The following POLR3C variants were observed in gnomAD, a reference collection of about 807,000 sequenced individuals.
POLR3C encodes the protein RNA polymerase III subunit C.
A neutral mutation model predicts 65.9 loss-of-function variants in POLR3C; 44 were observed. The observed-to-expected ratio is 0.67, with a 90% CI of 0.52 to 0.86. The LOEUF (loss-of-function observed/expected upper bound fraction) is 0.86, where lower values mean the gene tolerates loss of function less well. Ranked by LOEUF, POLR3C falls within the 40% of genes least tolerant of loss-of-function variation. The pLI, the probability that POLR3C is intolerant of heterozygous loss-of-function variation, is 0.00. For synonymous variants in POLR3C, 263 were observed against 231.6 expected (o/e 1.14, Z -1.23); for missense variants, 576 against 653.2 (o/e 0.88, Z 1.29).
rs1559155607 is a variant in POLR3C, at chr1:145,842,995, TTTA to T, written c.*578_*580del. On this transcript the variant is annotated 3_prime_UTR_variant, in exon 15 of 15. Coordinates refer to ENST00000334163, the MANE Select transcript of POLR3C (RefSeq NM_006468.8). The stretch of plus-strand genomic sequence containing the variant: ...TACCCAGCTATTTTTTATTTATTTA[TTTA>T]TTTTTTTGTAGAGACAGGGCCTCCC... 1.3e-5 allele frequency among the ~76,000 whole-genome samples: 2 copies of T among 151,084 alleles called. No homozygotes were observed. Among genetic ancestry groups the T allele is most frequent in the Non-Finnish European group, 3.0e-5 (2 of 67,524 alleles).
intron 13 of POLR3C, 98 bp downstream of exon 13, chr1:145,840,263 G>A: frequency 1.3e-6 from 1 of 784,744 alleles, no homozygotes; most frequent in Non-Finnish European, 2.2e-6. Flanking sequence ...CGCTGGGCCT[G>A]GCAGGGTGGC....
rs782172375 is a variant in POLR3C at position 145,833,570 on chromosome 1, G to A, written c.864G>A (p.Leu288=). 14 of 1,603,764 alleles carry A rather than the reference G, an allele frequency of 8.7e-6. No individual in the cohort carries two copies. The highest frequency in any genetic ancestry group is 1.1e-5 in the Non-Finnish European group (13 of 1,170,516). ...TSSSAPFTQP[L]SSNEIFRSLP... is the part of the protein sequence containing the mutation. ...CTAGTGCTCCCTTCACCCAGCCATT[G>A]TCTTCCAATGAGGTGAGTTTCATGT... The change falls in exon 7 of 15, where the codon TTG becomes TTA. Residue 288 remains leucine, a synonymous_variant. Transcript: ENST00000334163.
chr1:145,839,132 G>A (rs1052214993), intron 11 of POLR3C, among the ~76,000 whole-genome samples: 6 of 152,054 alleles, frequency 3.9e-5, no homozygotes, highest in Admixed American at 1.3e-4. Context: ...TTAGCTGGGC[G>A]TGGTGCCGTG....
intron 5 of POLR3C, among the ~76,000 whole-genome samples, chr1:145,832,278 T>C (rs1553727379): frequency 1.3e-5 from 2 of 152,138 alleles, no homozygotes; most frequent in African/African-American, 4.8e-5. Context: ...TAGGTAGAGA[T>C]ACAACTGAGA....
intron 14 of POLR3C, among the ~76,000 whole-genome samples, chr1:145,841,434 T>G (rs1004624162): frequency 2.0e-5 from 3 of 152,232 alleles, no homozygotes; most frequent in Admixed American, 2.0e-4. Context: ...TTAATTTTAC[T>G]TGAGTCATGT....
intron 4 of POLR3C, 142 bp downstream of exon 4, chr1:145,827,147 G>GCAGAGACCATGATT: frequency 2.8e-6 from 2 of 712,520 alleles, no homozygotes; most frequent in Non-Finnish European, 4.8e-6. Flanking sequence ...AAAAATCATG[G>GCAGAGACCATGATT]TCTCTGCCAT....
At chr1:145,836,693 C>T in intron 8 of POLR3C, 119 bp downstream of exon 8, 1 of 933,732 alleles carries the variant, frequency 1.1e-6, no homozygotes, top group South Asian at 1.3e-5. Context: ...CCAGCCCAGA[C>T]AATTTCTCCA....
At chr1:145,824,398 C>G in intron 1 of POLR3C, 29 bp downstream of exon 1, 1 of 462,650 alleles carries the variant, frequency 2.2e-6, no homozygotes, top group South Asian at 1.6e-5. Context: ...CTGAACGTGG[C>G]GGCACTGACT....
chr1:145,826,483 A>G lies in POLR3C; in HGVS notation c.177A>G (p.Gln59=), dbSNP rs147122834. ...AGAAAGCCCTGTGTGTCCTCGTCCA[A>G]CATAACCTGGTGAGTTATCAAGTGC... ...QVKKALCVLV[Q]HNLVSYQVHK... The change falls in exon 3 of 15, where the codon CAA becomes CAG. Residue 59 remains glutamine, a synonymous_variant. Transcript: ENST00000334163. 45 of 1,613,592 alleles carry G rather than the reference A, an allele frequency of 2.8e-5. No homozygotes were observed. The highest frequency in any genetic ancestry group is 4.5e-5 in the East Asian group (2 of 44,892).
chr1:145,842,307 A>C lies in POLR3C; in HGVS notation c.1524-32A>C, dbSNP rs587635165. 11 of 1,339,040 alleles carry C rather than the reference A, an allele frequency of 8.2e-6. No homozygotes were observed. In the African/African-American group the frequency reaches 1.6e-4, roughly 19 times the overall value. The allele number at this position is 1,339,040 out of a possible 1,614,324, so 82.9% of individuals were successfully genotyped here. The stretch of plus-strand genomic sequence containing the variant: ...ATCTTAAATATGCTAATGAACATTC[A>C]GTCTAGGCAAATGCCTTTACTTTTC... On this transcript the variant is annotated intron_variant, in intron 14 of 14. Transcript: ENST00000334163.
At chr1:145,824,605 G>T in intron 1 of POLR3C, 1 of 985,234 alleles carries the variant, frequency 1.0e-6, no homozygotes, top group Non-Finnish European at 1.4e-6. Flanking sequence ...GGCTTCTTAG[G>T]AATTGGAAGA....
At position 145,826,591 on chromosome 1, in the gene POLR3C, CA is replaced by C. The variant is rs1265848869; in HGVS notation, c.289del (p.Thr97LeufsTer9). On this transcript the variant is annotated frameshift_variant, in exon 3 of 15. Transcript: ENST00000334163. LOFTEE classifies it high-confidence loss of function. ...GATATCCCCGGTACATCTATACTAC[CA>C]AAACTCTGTACAGTGACACTGGAGA... ...LRYPRYIYTTKTLYSDTGELI... is the reference protein window; with the variant it reads ...LRYPRYIYTTXTLYSDTGELI... 1.2e-6 allele frequency: 2 copies of C among 1,613,994 alleles called. No homozygotes were observed. Among genetic ancestry groups the C allele is most frequent in the Non-Finnish European group, 1.7e-6 (2 of 1,180,016 alleles).
chr1:145,833,988 T>C (rs1319001102), intron 7 of POLR3C, among the ~76,000 whole-genome samples: 1 of 152,216 alleles, frequency 6.6e-6, no homozygotes, highest in Non-Finnish European at 1.5e-5. Flanking sequence ...AGGGATACAT[T>C]CTGAGAAATG....
At chr1:145,840,071 GA>G in intron 12 of POLR3C, 44 bp from the exon 13 acceptor site, 4 of 1,556,444 alleles carry the variant, frequency 2.6e-6, no homozygotes, top group Middle Eastern at 3.3e-4. Context: ...CTGAGCTGCT[GA>G]AATAGAACTA....
Position 145,843,104 on chromosome 1 carries a change from A to G in POLR3C, c.*684A>G, listed in dbSNP as rs1652418229. On this transcript the variant is annotated 3_prime_UTR_variant, in exon 15 of 15. Transcript: ENST00000334163. ...GAAAGACTATCACAGAGTAGAAGAAAAAATTATTTTCAGGGTTAGCAGGTG... is the reference window on the plus strand; with the variant it reads ...GAAAGACTATCACAGAGTAGAAGAAGAAATTATTTTCAGGGTTAGCAGGTG... Among the ~76,000 whole-genome samples the G allele has an allele frequency of 6.6e-6, 1 of 152,096 alleles. No individual in the cohort carries two copies. The highest frequency in any genetic ancestry group is 6.6e-5 in the Admixed American group (1 of 15,258).
At chr1:145,836,941 A>G in intron 9 of POLR3C, 75 bp downstream of exon 9, 1 of 751,726 alleles carries the variant, frequency 1.3e-6, no homozygotes, top group Non-Finnish European at 2.3e-6. Flanking sequence ...GGAAAGAAAG[A>G]TTTGGTAATG....
rs1553730903 is a variant in POLR3C at position 145,842,649 on chromosome 1, G to A, written c.*229G>A. 1.7e-6 allele frequency: 1 copy of A among 582,068 alleles called. No homozygotes were observed. The highest frequency in any genetic ancestry group is 3.1e-6 in the Non-Finnish European group (1 of 327,456). 36.1% of individuals were successfully genotyped at this position (582,068 alleles called of 1,614,324 possible). On this transcript the variant is annotated 3_prime_UTR_variant, in exon 15 of 15. Coordinates refer to ENST00000334163, the MANE Select transcript of POLR3C (RefSeq NM_006468.8). ...GTGGGAAGAACCTTAAATCAACAAG[G>A]TTAATCATCTATCAGATGCATCTGT...
chr1:145,840,255 C>G (rs1190729136), intron 13 of POLR3C, 90 bp downstream of exon 13: 12 of 837,538 alleles, frequency 1.4e-5, no homozygotes, highest in Non-Finnish European at 2.4e-5. Context: ...TCAATAGACG[C>G]TGGGCCTGGC....
chr1:145,840,930 T>C lies in POLR3C; in HGVS notation c.1382T>C (p.Leu461Pro). Residue 461 changes from leucine (L) to proline (P), a missense_variant, in exon 14 of 15, where the codon CTA becomes CCA. Physicochemically the swap from Leu to Pro is moderately conservative, Grantham distance 98. Transcript: ENST00000334163. ...QFETKENKRL[L>P]EKSQRVEAII... The stretch of plus-strand genomic sequence containing the variant: ...TTGTGTTTGTTTGACAGGCGTCTAC[T>C]AGAAAAATCTCAGAGGGTAGAAGCC... 6.2e-7 allele frequency: 1 copy of C among 1,613,056 alleles called. No individual in the cohort carries two copies. Among genetic ancestry groups the C allele is most frequent in the Non-Finnish European group, 8.5e-7 (1 of 1,179,040 alleles).
Sources: allele counts gnomAD v4.1 joint callset (sites outside exome capture counted in the v4.1 genomes callset), GRCh38; gene constraint gnomAD v4.1.1; transcripts MANE v1.5; gene names NCBI Gene and HGNC (gene_info 2026-07-23, HGNC 2026-07-21).